SULF1: variants seen among roughly 807,000 people sequenced by gnomAD.
The protein encoded by SULF1 is sulfatase 1.
In SULF1, 46 loss-of-function variants were observed where a neutral mutation model predicts 110.5. The ratio of observed to expected loss-of-function variants is 0.42; its 90% CI spans 0.33 to 0.53. SULF1 has a LOEUF of 0.53. Among genes scored for constraint, SULF1 ranks in the 20% least tolerant of loss-of-function variants. The pLI is 0.12. For missense variants in SULF1, 941 were observed against 1,094.2 expected, an observed-to-expected ratio of 0.86 and a Z score of 1.98; for synonymous variants, 371 against 387.1, an observed-to-expected ratio of 0.96 and a Z score of 0.49.
chr8:69,609,563 A>C (rs1808480273), intron 13 of SULF1, among the ~76,000 whole-genome samples: 1 of 152,180 alleles, frequency 6.6e-6, no homozygotes. Context: ...GAATGGTATC[A>C]TTTTTCTGAT....
chr8:69,542,532 C>T (rs781270330), intron 3 of SULF1, among the ~76,000 whole-genome samples: 1 of 151,954 alleles, frequency 6.6e-6, no homozygotes, highest in Non-Finnish European at 1.5e-5. Context: ...TCTGTTTTGA[C>T]CCCCGAGAAA....
intron 6 of SULF1, among the ~76,000 whole-genome samples, chr8:69,576,893 G>A (rs1054206195): frequency 6.6e-6 from 1 of 152,212 alleles, no homozygotes; most frequent in African/African-American, 2.4e-5. Context: ...TATGATTAAA[G>A]CTTGTTCAAA....
At chr8:69,499,074 G>C (rs1810605062) in intron 2 of SULF1, among the ~76,000 whole-genome samples, 1 of 152,072 alleles carries the variant, frequency 6.6e-6, no homozygotes, top group Non-Finnish European at 1.5e-5. Flanking sequence ...GCCCAGGCTG[G>C]TCTTGAACTC....
intron 2 of SULF1, among the ~76,000 whole-genome samples, chr8:69,499,922 A>T (rs554692862): frequency 6.6e-6 from 1 of 151,892 alleles, no homozygotes; most frequent in Non-Finnish European, 1.5e-5. Flanking sequence ...GCTAGTTTTT[A>T]AATTTTTTGG....
rs1378666435 is a variant in SULF1, at chr8:69,550,578, G to A, written c.-133-12961G>A. The stretch of plus-strand genomic sequence containing the variant: ...CTGGCGATAAAATGAGGGGGCGAGG[G>A]GAAAAGGGAGCAAAAAGAGAGAAGG... On this transcript the variant is annotated intron_variant, in intron 3 of 22. Coordinates refer to ENST00000402687, the MANE Select transcript of SULF1 (RefSeq NM_001128205.2). 2.6e-5 allele frequency among the ~76,000 whole-genome samples: 4 copies of A among 152,022 alleles called. No individual in the cohort carries two copies. The East Asian group carries it at 5.8e-4, about 22-fold the overall frequency.
At chr8:69,498,198 A>G (rs1810516100) in intron 2 of SULF1, among the ~76,000 whole-genome samples, 1 of 151,980 alleles carries the variant, frequency 6.6e-6, no homozygotes, top group Non-Finnish European at 1.5e-5. Flanking sequence ...CTTACAGAAA[A>G]CATCCTAAGT....
intron 1 of SULF1, among the ~76,000 whole-genome samples, chr8:69,494,928 G>A (rs1351771931): frequency 6.6e-6 from 1 of 152,072 alleles, no homozygotes; most frequent in African/African-American, 2.4e-5. Context: ...GTGTTCCAGT[G>A]AGAACTGCTG....
intron 3 of SULF1, among the ~76,000 whole-genome samples, chr8:69,533,389 T>C (rs1813232590): frequency 6.6e-6 from 1 of 152,174 alleles, no homozygotes; most frequent in Non-Finnish European, 1.5e-5. Context: ...TTTATCCTGA[T>C]GTTCTCCCTC....
chr8:69,592,863 C>T, intron 8 of SULF1: 2 of 952,290 alleles, frequency 2.1e-6, no homozygotes, highest in South Asian at 9.7e-5. Context: ...TGACAGACCT[C>T]TTGACAAGCT....
chr8:69,474,261 T>A (rs1216871103), intron 1 of SULF1, among the ~76,000 whole-genome samples: 1 of 152,222 alleles, frequency 6.6e-6, no homozygotes, highest in East Asian at 1.9e-4. Flanking sequence ...CATTTATTGA[T>A]CAGTTACTTT....
At chr8:69,496,593 C>A (rs1299038904) in intron 2 of SULF1, among the ~76,000 whole-genome samples, 1 of 152,128 alleles carries the variant, frequency 6.6e-6, no homozygotes, top group Non-Finnish European at 1.5e-5. Flanking sequence ...AAGGAAGGAA[C>A]AAGATATATT....
chr8:69,506,619 C>G (rs1811216477), intron 3 of SULF1, among the ~76,000 whole-genome samples: 1 of 152,196 alleles, frequency 6.6e-6, no homozygotes, highest in Admixed American at 6.5e-5. Flanking sequence ...CAGCAGGTGG[C>G]TCTGTCAGTA....
rs1811581858 is a variant in SULF1, at chr8:69,642,802, G to C, written c.2585+1961G>C. On this transcript the variant is annotated intron_variant, in intron 22 of 22. Transcript: ENST00000402687. ...GTCATTCTCCATGAAGTCACCCCTG[G>C]CCAACTTTGAAAGGAAGAATGTTTA... is the stretch of plus-strand genomic sequence containing the variant. 2.6e-5 allele frequency among the ~76,000 whole-genome samples: 4 copies of C among 152,114 alleles called. No homozygotes were observed. In the South Asian group the frequency reaches 8.3e-4, roughly 32 times the overall value.
chr8:69,521,841 T>TAAAAA (rs75983618), intron 3 of SULF1, among the ~76,000 whole-genome samples: 1 of 110,224 alleles, frequency 9.1e-6, no homozygotes. Context: ...TGGGCCAAGG[T>TAAAAA]AAAAAAAAAA....
intron 21 of SULF1, 42 bp downstream of exon 21, chr8:69,638,900 T>G (rs534881400): frequency 6.3e-7 from 1 of 1,577,562 alleles, no homozygotes; most frequent in South Asian, 1.2e-5. Context: ...ACCTGGAAAA[T>G]TCTTTGTGTT....
intron 3 of SULF1, among the ~76,000 whole-genome samples, chr8:69,551,512 ATGTTGGCATGTTTGCCT>A (rs1261038342): frequency 2.0e-5 from 3 of 152,198 alleles, no homozygotes; most frequent in African/African-American, 7.2e-5. Context: ...GATAGACTGT[ATGTTGGCATGTTTGCCT>A]TCTTGGCAAC....
intron 13 of SULF1, among the ~76,000 whole-genome samples, chr8:69,611,077 T>C (rs1001044888): frequency 2.0e-5 from 3 of 152,256 alleles, no homozygotes; most frequent in African/African-American, 7.2e-5. Context: ...ATCCTGGATA[T>C]ACTGCTTTCT....
intron 3 of SULF1, among the ~76,000 whole-genome samples, chr8:69,507,993 A>C (rs1811308486): frequency 6.6e-6 from 1 of 152,222 alleles, no homozygotes; most frequent in Non-Finnish European, 1.5e-5. Flanking sequence ...AAAGAGGCAC[A>C]TTTTGAAGGA....
intron 1 of SULF1, among the ~76,000 whole-genome samples, chr8:69,486,922 A>G (rs960700508): frequency 1.3e-5 from 2 of 152,216 alleles, no homozygotes; most frequent in Non-Finnish European, 2.9e-5. Context: ...CACTTACTTA[A>G]TATGTTCTTT....
Sources: gnomAD v4.1 joint callset for allele counts (sites outside exome capture counted in the v4.1 genomes callset) on GRCh38, gnomAD v4.1.1 for gene constraint, MANE v1.5 for transcripts, NCBI Gene and HGNC (gene_info 2026-07-23, HGNC 2026-07-21) for gene names.